Variants in MACROD2 observed in about 807,000 individuals in gnomAD.
MACROD2 encodes mono-ADP ribosylhydrolase 2, also known as ADP-ribose glycohydrolase MACROD2.
A neutral mutation model predicts 70.4 loss-of-function variants in MACROD2; 36 were observed. That is an observed-to-expected ratio of 0.51 (90% CI 0.39 to 0.68). The LOEUF (loss-of-function observed/expected upper bound fraction) is 0.68. Among genes scored for constraint, MACROD2 ranks in the 30% least tolerant of loss-of-function variants. The pLI is 0.00. For missense variants in MACROD2, 496 were observed against 538.4 expected (o/e 0.92, Z 0.78); for synonymous variants, 172 against 178.8 (o/e 0.96, Z 0.30).
chr20:15,669,451 A>G (rs1385980972), intron 8 of MACROD2, among the ~76,000 whole-genome samples: 1 of 152,162 alleles, frequency 6.6e-6, no homozygotes, highest in Admixed American at 6.5e-5. Flanking sequence ...CCTACTCTTG[A>G]AACTGTCAGT....
At chr20:14,715,183 C>T (rs1486769287) in intron 5 of MACROD2, among the ~76,000 whole-genome samples, 1 of 152,066 alleles carries the variant, frequency 6.6e-6, no homozygotes, top group African/African-American at 2.4e-5. Context: ...AGAATGAGAG[C>T]TGAGCGAAGG....
At chr20:14,038,656 C>T (rs1335310404) in intron 2 of MACROD2, among the ~76,000 whole-genome samples, 1 of 152,008 alleles carries the variant, frequency 6.6e-6, no homozygotes, top group Non-Finnish European at 1.5e-5. Flanking sequence ...TGCATTATGT[C>T]GTTTTTGTGG....
chr20:14,835,586 C>G (rs763750274), intron 5 of MACROD2, among the ~76,000 whole-genome samples: 5 of 152,018 alleles, frequency 3.3e-5, no homozygotes, highest in Non-Finnish European at 7.4e-5. Context: ...GAGGGGATGA[C>G]CCAGGAGCAC....
intron 15 of MACROD2, among the ~76,000 whole-genome samples, chr20:16,015,110 G>A (rs2066912152): frequency 6.6e-6 from 1 of 152,080 alleles, no homozygotes; most frequent in South Asian, 2.1e-4. Context: ...TAAAGACTAA[G>A]AAGGAATCAC....
At chr20:15,383,530 G>A (rs1162840617) in intron 6 of MACROD2, among the ~76,000 whole-genome samples, 1 of 152,154 alleles carries the variant, frequency 6.6e-6, no homozygotes, top group East Asian at 1.9e-4. Flanking sequence ...ATTTTAACAT[G>A]ATGTTCCTTT....
At chr20:15,493,913 A>G (rs966664792) in intron 7 of MACROD2, among the ~76,000 whole-genome samples, 2 of 152,186 alleles carry the variant, frequency 1.3e-5, no homozygotes, top group African/African-American at 4.8e-5. Context: ...GAGTTATTTG[A>G]TGTGCTATGG....
intron 3 of MACROD2, among the ~76,000 whole-genome samples, chr20:14,292,341 G>A (rs1205543378): frequency 2.6e-5 from 4 of 151,884 alleles, no homozygotes; most frequent in Non-Finnish European, 4.4e-5. Flanking sequence ...ACTCGGGGTT[G>A]GGTGGAGGTG....
chr20:15,061,022 A>G (rs1019426231), intron 5 of MACROD2, among the ~76,000 whole-genome samples: 1 of 152,198 alleles, frequency 6.6e-6, no homozygotes, highest in Admixed American at 6.5e-5. Context: ...AGCTCAGAGA[A>G]GTTAATTCAA....
chr20:15,170,211 C>G (rs571020924), intron 5 of MACROD2, among the ~76,000 whole-genome samples: 8 of 152,098 alleles, frequency 5.3e-5, no homozygotes, highest in African/African-American at 1.9e-4. Context: ...ATTCTTTTTT[C>G]AGGATAATAG....
At chr20:14,784,677 G>GGC (rs2072345250) in intron 5 of MACROD2, among the ~76,000 whole-genome samples, 2 of 138,836 alleles carry the variant, frequency 1.4e-5, no homozygotes, top group Non-Finnish European at 3.2e-5. Flanking sequence ...GTGGGGGGGG[G>GGC]GGGGCACCAG....
chr20:14,475,577 T>G (rs888082160), intron 3 of MACROD2, among the ~76,000 whole-genome samples: 16 of 152,086 alleles, frequency 1.1e-4, no homozygotes, highest in African/African-American at 3.9e-4. Flanking sequence ...GCATTTTTTT[T>G]TTTAAGAACA....
At chr20:16,011,985 T>C (rs977130407) in intron 15 of MACROD2, among the ~76,000 whole-genome samples, 1 of 152,170 alleles carries the variant, frequency 6.6e-6, no homozygotes, top group African/African-American at 2.4e-5. Context: ...CTCCCCACCA[T>C]GGTGACTGCT....
intron 10 of MACROD2, among the ~76,000 whole-genome samples, chr20:15,913,480 C>G (rs1442353333): frequency 6.6e-6 from 1 of 152,082 alleles, no homozygotes; most frequent in African/African-American, 2.4e-5. Flanking sequence ...ATTATTTTTT[C>G]AAGAGGTGCC....
intron 5 of MACROD2, among the ~76,000 whole-genome samples, chr20:14,854,160 C>T (rs1031556449): frequency 6.6e-6 from 1 of 152,116 alleles, no homozygotes; most frequent in Non-Finnish European, 1.5e-5. Flanking sequence ...CAGAGAATGT[C>T]GATAGCTTTC....
chr20:15,890,739 G>GA (rs932070960), intron 10 of MACROD2, among the ~76,000 whole-genome samples: 1 of 151,256 alleles, frequency 6.6e-6, no homozygotes, highest in Non-Finnish European at 1.5e-5. Flanking sequence ...CAAATGTGGG[G>GA]TTTTTTTTTG....
chr20:14,322,175 A>AATAAATATATATATATATATATAT (rs2082667226), intron 3 of MACROD2, among the ~76,000 whole-genome samples: 1 of 66,376 alleles, frequency 1.5e-5, no homozygotes, highest in Non-Finnish European at 3.5e-5. Flanking sequence ...ATTCTATTGA[A>AATAAATATATATATATATATATAT]ATATATATAT....
intron 5 of MACROD2, among the ~76,000 whole-genome samples, chr20:14,940,097 T>G (rs2074376467): frequency 6.6e-6 from 1 of 150,502 alleles, no homozygotes; most frequent in African/African-American, 2.4e-5. Flanking sequence ...TAATTTGACT[T>G]TTTTCTTTCC....
At chr20:14,616,994 A>C (rs1156984466) in intron 4 of MACROD2, among the ~76,000 whole-genome samples, 4 of 152,162 alleles carry the variant, frequency 2.6e-5, no homozygotes, top group Non-Finnish European at 4.4e-5. Context: ...ATTGCTTTGC[A>C]AAGAAATTTC....
chr20:14,779,495 C>T (rs2072273575), intron 5 of MACROD2, among the ~76,000 whole-genome samples: 1 of 152,126 alleles, frequency 6.6e-6, no homozygotes, highest in African/African-American at 2.4e-5. Flanking sequence ...TCACAGCAGG[C>T]TGGCAACACC....
Sources: allele counts gnomAD v4.1 joint callset (sites outside exome capture counted in the v4.1 genomes callset), GRCh38; gene constraint gnomAD v4.1.1; transcripts MANE v1.5; gene names NCBI Gene and HGNC (gene_info 2026-07-23, HGNC 2026-07-21).